FAP: variants seen among roughly 807,000 people sequenced by gnomAD.
FAP encodes fibroblast activation protein alpha.
In FAP, 110 loss-of-function variants were observed where a neutral mutation model predicts 126.5. The observed-to-expected ratio is 0.87, with a 90% confidence interval of 0.74 to 1.02. The LOEUF (loss-of-function observed/expected upper bound fraction) is 1.02, where lower values mean the gene tolerates loss of function less well. Ranked by LOEUF, FAP falls within the 50% of genes least tolerant of loss-of-function variation. The probability of loss-of-function intolerance (pLI) is 0.00; values close to 1 mark genes in which losing one functional copy is unlikely to be tolerated. For missense variants in FAP, 919 were observed against 909.2 expected, an observed-to-expected ratio of 1.01 and a Z score of -0.14; for synonymous variants, 334 against 297.3, an observed-to-expected ratio of 1.12 and a Z score of -1.27.
At chr2:162,182,032 A>G (rs1249307137) in intron 21 of FAP, among the ~76,000 whole-genome samples, 2 of 152,192 alleles carry the variant, frequency 1.3e-5, no homozygotes, top group Non-Finnish European at 2.9e-5. Context: ...TAAGCAATTG[A>G]CGGGTGGGGG....
intron 17 of FAP, among the ~76,000 whole-genome samples, chr2:162,192,549 T>G (rs572989390): frequency 6.6e-6 from 1 of 152,242 alleles, no homozygotes; most frequent in South Asian, 2.1e-4. Flanking sequence ...ACTCTTGTTT[T>G]GTCCACTCGG....
intron 2 of FAP, among the ~76,000 whole-genome samples, chr2:162,238,191 C>G (rs1427580334): frequency 1.3e-5 from 2 of 152,052 alleles, no homozygotes; most frequent in African/African-American, 4.8e-5. Context: ...TGCAGAAGCT[C>G]TTTAGTTTAA....
At chr2:162,189,026 A>T in intron 19 of FAP, 77 bp downstream of exon 19, 1 of 927,538 alleles carries the variant, frequency 1.1e-6, no homozygotes, top group Non-Finnish European at 1.7e-6. Context: ...AGAATGGTTC[A>T]TTCTATTTCA....
rs11413930 is a variant in FAP at position 162,221,524 on chromosome 2, C to CAAA, written c.414-1602_414-1600dup. 9.6e-5 allele frequency: 31 copies of CAAA among 324,528 alleles called. 2 individuals carry two copies. Among genetic ancestry groups the CAAA allele is most frequent in the African/African-American group, 5.8e-4 (26 of 44,604 alleles). 20.1% of individuals were successfully genotyped at this position (324,528 alleles called of 1,614,324 possible). ...TGGGCGACAGAACGAGACCCTGTCT[C>CAAA]AAAAAAAAAAATAAGAAGACATTCT... On this transcript the variant is annotated intron_variant, in intron 6 of 25. Transcript: ENST00000188790.
intron 20 of FAP, 55 bp downstream of exon 20, chr2:162,188,114 T>A: frequency 1.5e-6 from 2 of 1,375,134 alleles, no homozygotes; most frequent in South Asian, 2.4e-5. Flanking sequence ...AACACAATAG[T>A]GATTGCATGA....
chr2:162,181,762 T>A (rs539067919), intron 21 of FAP, among the ~76,000 whole-genome samples: 2 of 152,258 alleles, frequency 1.3e-5, no homozygotes, highest in Admixed American at 1.3e-4. Flanking sequence ...CATCTTTTCA[T>A]CCCCTAAGGA....
chr2:162,171,315 T>C, intron 25 of FAP: 1 of 383,514 alleles, frequency 2.6e-6, no homozygotes, highest in East Asian at 4.5e-5. Context: ...GTGGCTGAGA[T>C]CTCGCATCAT....
Position 162,200,620 on chromosome 2 carries a change from C to A in FAP, c.1224-1G>T. On this transcript the variant is annotated splice_acceptor_variant, in intron 14 of 25. Coordinates refer to ENST00000188790, the MANE Select transcript of FAP (RefSeq NM_004460.5). LOFTEE classifies it high-confidence loss of function. ...TTCAAATTCATTGCTAGAATAAAAC[C>A]TGAAAATATATTCAGAAATTATTAA... 3 of 1,367,254 alleles carry A rather than the reference C, an allele frequency of 2.2e-6. No homozygotes were observed. The highest frequency in any genetic ancestry group is 1.3e-5 in the South Asian group (1 of 77,708). 84.7% of individuals were successfully genotyped at this position (1,367,254 alleles called of 1,614,324 possible). A position where few individuals can be genotyped will look rare whatever the true frequency, so the allele number is the denominator to read the frequency against.
chr2:162,184,068 T>G (rs1258017135), intron 20 of FAP, among the ~76,000 whole-genome samples: 2 of 152,102 alleles, frequency 1.3e-5, no homozygotes, highest in Non-Finnish European at 2.9e-5. Flanking sequence ...AAATCTTTCC[T>G]TAGGAGCAAG....
At chr2:162,205,685 A>G (rs1188700233) in intron 12 of FAP, among the ~76,000 whole-genome samples, 5 of 151,834 alleles carry the variant, frequency 3.3e-5, no homozygotes, top group African/African-American at 1.2e-4. Flanking sequence ...GGCTAGTTTT[A>G]TATTTTTAGT....
At chr2:162,195,981 G>C (rs1193580393) in intron 16 of FAP, among the ~76,000 whole-genome samples, 1 of 152,082 alleles carries the variant, frequency 6.6e-6, no homozygotes, top group Non-Finnish European at 1.5e-5. Context: ...GAGAAGACTT[G>C]GGTATGAGTA....
intron 12 of FAP, among the ~76,000 whole-genome samples, chr2:162,207,343 C>T (rs962517900): frequency 6.6e-6 from 1 of 152,176 alleles, no homozygotes; most frequent in African/African-American, 2.4e-5. Flanking sequence ...GATAATTTCT[C>T]TTCTGGAATT....
chr2:162,239,244 C>T (rs1690256879), intron 2 of FAP, among the ~76,000 whole-genome samples: 1 of 151,822 alleles, frequency 6.6e-6, no homozygotes, highest in Admixed American at 6.6e-5. Flanking sequence ...GCCATGTTGC[C>T]CAGCCTGGTC....
intron 21 of FAP, chr2:162,175,731 G>T (rs1687461367): frequency 6.6e-6 from 1 of 152,140 alleles, no homozygotes; most frequent in African/African-American, 2.4e-5. Flanking sequence ...ATGGGATCCT[G>T]TTAAGAGAAA....
intron 12 of FAP, among the ~76,000 whole-genome samples, chr2:162,205,526 A>AT (rs751026500): frequency 6.6e-6 from 1 of 150,420 alleles, no homozygotes; most frequent in Admixed American, 6.6e-5. Flanking sequence ...TTATTTTTTT[A>AT]TTTTTTATGG....
intron 12 of FAP, among the ~76,000 whole-genome samples, chr2:162,209,299 T>C (rs1477100148): frequency 6.6e-6 from 1 of 152,160 alleles, no homozygotes; most frequent in Non-Finnish European, 1.5e-5. Flanking sequence ...CCTTCACTTA[T>C]TCTCTTGTAT....
chr2:162,176,189 A>G (rs1264534322), intron 21 of FAP: 1 of 152,214 alleles, frequency 6.6e-6, no homozygotes, highest in Admixed American at 6.6e-5. Context: ...GTAGACAGAC[A>G]TGGTGCTGGT....
At chr2:162,238,381 G>A (rs1354001135) in intron 2 of FAP, among the ~76,000 whole-genome samples, 3 of 152,182 alleles carry the variant, frequency 2.0e-5, no homozygotes, top group South Asian at 2.1e-4. Context: ...TTGGAAATCT[G>A]AGACAGGTAA....
intron 12 of FAP, among the ~76,000 whole-genome samples, chr2:162,204,400 T>A (rs982894610): frequency 2.6e-5 from 4 of 152,200 alleles, no homozygotes; most frequent in African/African-American, 9.7e-5. Flanking sequence ...TGTGACCCTT[T>A]TGGAAATGGG....
Sources: allele counts gnomAD v4.1 joint callset (sites outside exome capture counted in the v4.1 genomes callset), GRCh38; gene constraint gnomAD v4.1.1; transcripts MANE v1.5; gene names NCBI Gene and HGNC (gene_info 2026-07-23, HGNC 2026-07-21).